PROS1: variants seen among roughly 807,000 people sequenced by gnomAD.
PROS1 encodes the protein vitamin K-dependent protein S.
Under a neutral mutation model 75.9 loss-of-function variants are expected in PROS1, and 29 were observed. The observed-to-expected ratio is 0.38, with a 90% CI of 0.28 to 0.52. The LOEUF (loss-of-function observed/expected upper bound fraction) is 0.52. Among genes scored for constraint, PROS1 ranks in the 20% least tolerant of loss-of-function variants. The pLI is 0.83. For missense variants in PROS1, 680 were observed against 810.3 expected, an observed-to-expected ratio of 0.84 and a Z score of 1.95; for synonymous variants, 245 against 280.6, an observed-to-expected ratio of 0.87 and a Z score of 1.27.
chr3:93,911,855 G>A (rs1445369294), intron 3 of PROS1, among the ~76,000 whole-genome samples: 2 of 152,138 alleles, frequency 1.3e-5, no homozygotes, highest in African/African-American at 2.4e-5. Flanking sequence ...AGATTCAAAG[G>A]GTAGGGTGTG....
chr3:93,896,460 T>G, intron 9 of PROS1, 116 bp downstream of exon 9: 1 of 796,808 alleles, frequency 1.3e-6, no homozygotes, highest in Non-Finnish European at 2.2e-6. Context: ...ATTGGTAATA[T>G]GACTACATTA....
At position 93,893,047 on chromosome 3, in the gene PROS1, T is replaced by C. The variant is rs376656035; in HGVS notation, c.1041A>G (p.Ser347=). 96 of 1,614,002 alleles carry C rather than the reference T, an allele frequency of 5.9e-5. No individual in the cohort carries two copies. In the African/African-American group the frequency reaches 1.1e-3, roughly 19 times the overall value. ...VILYAESIDH[S]AWLLIALRGG... is the part of the protein sequence containing the mutation. ...CACGAAGTGCAATCAGGAGCCACGC[T>C]GAGTGATCGATAGATTCTGCGTACA... The change falls in exon 10 of 15, where the codon TCA becomes TCG. Residue 347 remains serine, a synonymous_variant. Transcript: ENST00000394236.
At chr3:93,878,812 C>G (rs1653419850) in intron 13 of PROS1, among the ~76,000 whole-genome samples, 1 of 152,186 alleles carries the variant, frequency 6.6e-6, no homozygotes, top group Admixed American at 6.5e-5. Flanking sequence ...ACAGTACAGA[C>G]TAATTCCCAC....
At chr3:93,944,313 G>A (rs1488011955) in intron 1 of PROS1, among the ~76,000 whole-genome samples, 2 of 152,052 alleles carry the variant, frequency 1.3e-5, no homozygotes, top group African/African-American at 4.8e-5. Flanking sequence ...ACAGCTATTA[G>A]TAACATGAAA....
chr3:93,925,892 T>TTTTC (rs1477924194), intron 2 of PROS1, among the ~76,000 whole-genome samples: 1 of 151,970 alleles, frequency 6.6e-6, no homozygotes, highest in Non-Finnish European at 1.5e-5. Context: ...TCTGTCATTT[T>TTTTC]TTTCTCTTCT....
At chr3:93,907,491 T>A (rs558172495) in intron 4 of PROS1, among the ~76,000 whole-genome samples, 1 of 152,230 alleles carries the variant, frequency 6.6e-6, no homozygotes, top group African/African-American at 2.4e-5. Context: ...AGGAGCCACC[T>A]GCTTCAAGCC....
At chr3:93,926,788 G>A (rs1292836107) in intron 2 of PROS1, among the ~76,000 whole-genome samples, 1 of 152,182 alleles carries the variant, frequency 6.6e-6, no homozygotes, top group Non-Finnish European at 1.5e-5. Context: ...ATCAAATTCT[G>A]GTTAGAAGAA....
chr3:93,934,136 C>A (rs534150393), intron 1 of PROS1, among the ~76,000 whole-genome samples: 2 of 148,514 alleles, frequency 1.3e-5, no homozygotes, highest in African/African-American at 2.5e-5. Flanking sequence ...GCAGAGATTG[C>A]GCCACTGCAC....
At chr3:93,917,678 G>A (rs552813152) in intron 3 of PROS1, among the ~76,000 whole-genome samples, 5 of 152,278 alleles carry the variant, frequency 3.3e-5, no homozygotes, top group South Asian at 4.1e-4. Context: ...GCCGGCACTC[G>A]GAGCAGCCGG....
intron 4 of PROS1, among the ~76,000 whole-genome samples, chr3:93,908,796 G>T (rs1373118506): frequency 6.6e-6 from 1 of 152,114 alleles, no homozygotes; most frequent in East Asian, 1.9e-4. Context: ...CAAAAGATTT[G>T]TTTTTAATGT....
chr3:93,934,971 A>G (rs1709161075), intron 1 of PROS1, among the ~76,000 whole-genome samples: 1 of 152,094 alleles, frequency 6.6e-6, no homozygotes, highest in Non-Finnish European at 1.5e-5. Flanking sequence ...TTGTTTCCAC[A>G]GATTAAAACC....
In PROS1 at chr3:93,973,824, C is replaced by T. The variant is rs2107279525; in HGVS notation, c.-75G>A. 1 of 1,324,436 alleles carries T rather than the reference C, an allele frequency of 7.6e-7. No homozygotes were observed. The highest frequency in any genetic ancestry group is 1.4e-5 in the South Asian group (1 of 72,830). 82.0% of individuals were successfully genotyped at this position (1,324,436 alleles called of 1,614,324 possible). On this transcript the variant is annotated 5_prime_UTR_variant, in exon 1 of 15. Coordinates refer to ENST00000394236, the MANE Select transcript of PROS1 (RefSeq NM_000313.4). Reference sequence around the variant, plus strand: ...GACCGGAGCGCTAGGCGCCGCGGAGCTGCGAGCCTGTGCGCCTCGGTCTGA... The same window carrying T: ...GACCGGAGCGCTAGGCGCCGCGGAGTTGCGAGCCTGTGCGCCTCGGTCTGA...
chr3:93,935,129 G>A (rs1360973506), intron 1 of PROS1, among the ~76,000 whole-genome samples: 2 of 152,082 alleles, frequency 1.3e-5, no homozygotes, highest in African/African-American at 4.8e-5. Flanking sequence ...TTTGTTCTTG[G>A]TCAGTGATCA....
At chr3:93,892,848 G>C in intron 10 of PROS1, 85 bp downstream of exon 10, 2 of 1,292,534 alleles carry the variant, frequency 1.5e-6, no homozygotes, top group Non-Finnish European at 2.2e-6. Flanking sequence ...AATCCATTTT[G>C]GTTTGGTATC....
intron 3 of PROS1, among the ~76,000 whole-genome samples, chr3:93,921,259 A>C (rs1170152071): frequency 6.6e-6 from 1 of 152,224 alleles, no homozygotes; most frequent in Non-Finnish European, 1.5e-5. Context: ...TAACACACTT[A>C]AGATCGGACT....
intron 2 of PROS1, 57 bp downstream of exon 2, chr3:93,927,193 T>C: frequency 2.5e-6 from 4 of 1,593,626 alleles, no homozygotes. Flanking sequence ...CTGGAAATGT[T>C]CAGTCTGTAG....
At chr3:93,928,011 A>ATTT (rs1196919400) in intron 1 of PROS1, among the ~76,000 whole-genome samples, 8 of 44,458 alleles carry the variant, frequency 1.8e-4, no homozygotes, top group African/African-American at 3.7e-4. Context: ...ATATATATAT[A>ATTT]TTTTTTTTTT....
intron 1 of PROS1, among the ~76,000 whole-genome samples, chr3:93,969,122 C>CT (rs773990991): frequency 0.06 from 6,888 of 114,310 alleles, 343 homozygotes; most frequent in East Asian, 0.14. Flanking sequence ...CTTTTGTTTT[C>CT]TTTTTTTTTT....
chr3:93,969,122 CTTTTT>C (rs773990991), intron 1 of PROS1, among the ~76,000 whole-genome samples: 1 of 114,334 alleles, frequency 8.7e-6, no homozygotes, highest in Non-Finnish European at 1.9e-5. Context: ...CTTTTGTTTT[CTTTTT>C]TTTTTTTTTT....
Sources: allele counts gnomAD v4.1 joint callset (sites outside exome capture counted in the v4.1 genomes callset), GRCh38; gene constraint gnomAD v4.1.1; transcripts MANE v1.5; gene names NCBI Gene and HGNC (gene_info 2026-07-23, HGNC 2026-07-21).